The following SUGCT variants were observed in gnomAD, a reference collection of about 807,000 sequenced individuals.
SUGCT encodes succinyl-CoA:glutarate CoA-transferase.
SUGCT carries 41 observed loss-of-function variants against 55.0 expected under a neutral mutation model. That is an observed-to-expected ratio of 0.74 (90% CI 0.58 to 0.97). SUGCT has a LOEUF of 0.97. Among genes scored for constraint, SUGCT ranks in the 50% least tolerant of loss-of-function variants. SUGCT has a pLI of 0.00. For missense variants in SUGCT, 568 were observed against 547.8 expected (o/e 1.04, Z -0.37); for synonymous variants, 187 against 200.4 (o/e 0.93, Z 0.56).
At chr7:40,863,068 G>A (rs1442174317), downstream of SUGCT, among the ~76,000 whole-genome samples, 5 of 151,984 alleles carry the variant, frequency 3.3e-5, no homozygotes, top group Non-Finnish European at 5.9e-5. Context: ...GTGAAACCCC[G>A]TCTCTACTAA....
chr7:40,250,128 T>A (rs1450831219), intron 7 of SUGCT, among the ~76,000 whole-genome samples: 1 of 152,066 alleles, frequency 6.6e-6, no homozygotes, highest in Non-Finnish European at 1.5e-5. Context: ...CCAGACATGG[T>A]GGCTCATGCC....
chr7:40,996,815 G>A, the SUGCT span, among the ~76,000 whole-genome samples: 1 of 152,116 alleles, frequency 6.6e-6, no homozygotes, highest in Non-Finnish European at 1.5e-5. Context: ...GTTTACTGAG[G>A]GGAGAAGCAA....
At chr7:40,952,505 G>A in the SUGCT span, among the ~76,000 whole-genome samples, 2 of 152,164 alleles carry the variant, frequency 1.3e-5, no homozygotes, top group African/African-American at 4.8e-5. Context: ...TATGATGTTA[G>A]CTGGTTATTT....
intron 6 of SUGCT, among the ~76,000 whole-genome samples, chr7:40,218,728 A>T (rs998653127): frequency 3.3e-5 from 5 of 152,080 alleles, no homozygotes; most frequent in African/African-American, 9.7e-5. Context: ...AAATGCACCA[A>T]TCAGCACTCT....
At chr7:40,466,077 A>G (rs144802208) in intron 11 of SUGCT, among the ~76,000 whole-genome samples, 2 of 151,970 alleles carry the variant, frequency 1.3e-5, no homozygotes, top group Non-Finnish European at 2.9e-5. Context: ...TTAAAAAGAT[A>G]GTTGGTGGGT....
intron 7 of SUGCT, among the ~76,000 whole-genome samples, chr7:40,270,844 T>C (rs1360686592): frequency 3.9e-5 from 6 of 152,118 alleles, no homozygotes; most frequent in Admixed American, 3.9e-4. Context: ...GAGATGTCTT[T>C]TGGTTTATTT....
At chr7:40,954,639 T>G in the SUGCT span, among the ~76,000 whole-genome samples, 1 of 152,324 alleles carries the variant, frequency 6.6e-6, no homozygotes, top group East Asian at 1.9e-4. Flanking sequence ...CTCTTTAGTT[T>G]AATTAGATCC....
the SUGCT span, among the ~76,000 whole-genome samples, chr7:40,945,309 C>T: frequency 1.3e-5 from 2 of 152,152 alleles, no homozygotes. Context: ...AGTGTTCTAG[C>T]TATTCAGATT....
At chr7:40,702,615 G>A (rs948292862) in intron 12 of SUGCT, among the ~76,000 whole-genome samples, 2 of 152,162 alleles carry the variant, frequency 1.3e-5, no homozygotes. Flanking sequence ...TTCACTTTAA[G>A]CTTCTCTGCT....
intron 3 of SUGCT, among the ~76,000 whole-genome samples, chr7:40,186,090 TCTTC>T (rs199961855): frequency 0.022 from 3,196 of 146,940 alleles, 45 homozygotes; most frequent in East Asian, 0.045. Flanking sequence ...TCTCTCTTTT[TCTTC>T]CTTCCTTCCT....
chr7:40,942,631 C>A, the SUGCT span, among the ~76,000 whole-genome samples: 1 of 152,068 alleles, frequency 6.6e-6, no homozygotes, highest in Admixed American at 6.6e-5. Flanking sequence ...GGAGGTTTTC[C>A]TCAATTATTC....
chr7:40,237,187 T>C (rs897233863), intron 6 of SUGCT, among the ~76,000 whole-genome samples: 4 of 150,846 alleles, frequency 2.7e-5, no homozygotes, highest in African/African-American at 7.3e-5. Context: ...CTCATGCCTG[T>C]AATCCTAGCA....
At chr7:40,632,180 C>T (rs1799820399) in intron 12 of SUGCT, among the ~76,000 whole-genome samples, 1 of 152,198 alleles carries the variant, frequency 6.6e-6, no homozygotes, top group African/African-American at 2.4e-5. Context: ...TCTTGTTTGA[C>T]ATTGTCTCCC....
At chr7:40,365,585 G>C (rs1429798669) in intron 9 of SUGCT, among the ~76,000 whole-genome samples, 2 of 152,044 alleles carry the variant, frequency 1.3e-5, no homozygotes, top group Admixed American at 1.3e-4. Flanking sequence ...CAAAATCAAT[G>C]TACAAAAATC....
rs75471249 is a variant in SUGCT at position 40,475,236 on chromosome 7, C to T, written c.986+16038C>T. Among the ~76,000 whole-genome samples, 69 of 152,260 alleles carry T rather than the reference C, an allele frequency of 4.5e-4. No individual in the cohort carries two copies. In the East Asian group the frequency reaches 0.012, roughly 27 times the overall value. ...GTCTCTGCTAGCTTCTTGTTTTTCA[C>T]GAATCTGACCAACATGACATCATCC... is the stretch of plus-strand genomic sequence containing the variant. On this transcript the variant is annotated intron_variant, in intron 11 of 13. Transcript: ENST00000335693.
intron 9 of SUGCT, among the ~76,000 whole-genome samples, chr7:40,408,741 CAA>C (rs1786510472): frequency 1.3e-5 from 2 of 151,958 alleles, no homozygotes; most frequent in East Asian, 3.9e-4. Flanking sequence ...AGGAAAATAC[CAA>C]AATGACAGGG....
the SUGCT span, among the ~76,000 whole-genome samples, chr7:40,899,110 TAGG>T: frequency 1.3e-5 from 2 of 152,062 alleles, no homozygotes; most frequent in Admixed American, 6.5e-5. Context: ...GAACCTCTGA[TAGG>T]AGGGAAGGAG....
chr7:40,781,243 G>A (rs1789728929), intron 13 of SUGCT, among the ~76,000 whole-genome samples: 1 of 152,076 alleles, frequency 6.6e-6, no homozygotes, highest in Admixed American at 6.6e-5. Context: ...TTAGCCTTGG[G>A]CCTCTGACAA....
At chr7:40,477,632 A>G (rs1790775899) in intron 11 of SUGCT, among the ~76,000 whole-genome samples, 1 of 152,214 alleles carries the variant, frequency 6.6e-6, no homozygotes, top group Admixed American at 6.5e-5. Context: ...AGACTAATTT[A>G]TGCATGGAAG....
Sources: gnomAD v4.1 joint callset for allele counts (sites outside exome capture counted in the v4.1 genomes callset) on GRCh38, gnomAD v4.1.1 for gene constraint, MANE v1.5 for transcripts, NCBI Gene and HGNC (gene_info 2026-07-23, HGNC 2026-07-21) for gene names.